The following IGSF9B variants were observed in gnomAD, a reference collection of about 807,000 sequenced individuals.
The protein encoded by IGSF9B is immunoglobulin superfamily member 9B, also known as protein turtle homolog B.
A neutral mutation model predicts 143.7 loss-of-function variants in IGSF9B; 48 were observed. That is an observed-to-expected ratio of 0.33 (90% CI 0.26 to 0.42). The LOEUF (loss-of-function observed/expected upper bound fraction) is 0.42, where lower values mean the gene tolerates loss of function less well. IGSF9B is among the 20% of genes least tolerant of loss of function. The probability of loss-of-function intolerance (pLI) is 1.00; values close to 1 mark genes in which losing one functional copy is unlikely to be tolerated. For synonymous variants in IGSF9B, 903 were observed against 833.1 expected (o/e 1.08, Z -1.44); for missense variants, 1,706 against 1,980.0 (o/e 0.86, Z 2.63).
intron 13 of IGSF9B, among the ~76,000 whole-genome samples, chr11:133,926,298 G>A (rs971509607): frequency 6.6e-6 from 1 of 152,216 alleles, no homozygotes; most frequent in Non-Finnish European, 1.5e-5. Flanking sequence ...GGGGTTTGGG[G>A]GTCAACACAA....
intron 3 of IGSF9B, among the ~76,000 whole-genome samples, chr11:133,940,530 AACAC>A (rs1278817480): frequency 3.8e-5 from 5 of 132,328 alleles, no homozygotes; most frequent in Non-Finnish European, 3.1e-5. Context: ...CACATGCAAA[AACAC>A]ACACCTCGCA....
chr11:133,920,053 A>C lies in IGSF9B; in HGVS notation c.3672T>G (p.Pro1224=). 1 of 1,554,788 alleles carries C rather than the reference A, an allele frequency of 6.4e-7. No homozygotes were observed. The highest frequency in any genetic ancestry group is 8.7e-7 in the Non-Finnish European group (1 of 1,152,476). ...GSPELAARAR[P]RPGLLQQAEM... is the part of the protein sequence containing the mutation. ...CTGCCTGCTGCAGGAGGCCCGGGCG[A>C]GGCCGGGCACGGGCGGCGAGCTCAG... Residue 1224 remains proline (P), a synonymous_variant, in exon 18 of 20, where the codon CCT becomes CCG. Transcript: ENST00000533871.
chr11:133,908,828 G>C lies in IGSF9B; in HGVS notation c.*241C>G. 1 of 501,358 alleles carries C rather than the reference G, an allele frequency of 2.0e-6. No homozygotes were observed. The highest frequency in any genetic ancestry group is 3.6e-6 in the Non-Finnish European group (1 of 280,912). 31.1% of individuals were successfully genotyped at this position (501,358 alleles called of 1,614,324 possible). A position where few individuals can be genotyped will look rare whatever the true frequency, so the allele number is the denominator to read the frequency against. On this transcript the variant is annotated 3_prime_UTR_variant, in exon 20 of 20. Transcript: ENST00000533871. Reference sequence around the variant, plus strand: ...AGGGGGCGGAGGGGAGGAGACAGGTGTTGCCCAGTCTCCAATCCACTTCCT... The same window carrying C: ...AGGGGGCGGAGGGGAGGAGACAGGTCTTGCCCAGTCTCCAATCCACTTCCT...
intron 19 of IGSF9B, among the ~76,000 whole-genome samples, chr11:133,910,772 T>C (rs1033853788): frequency 2.8e-4 from 42 of 152,292 alleles, no homozygotes; most frequent in African/African-American, 9.9e-4. Context: ...ACAATGCAGG[T>C]CTCTGATGTG....
Position 133,918,961 on chromosome 11 carries a change from G to A in IGSF9B, c.3983+781C>T, listed in dbSNP as rs566347098. The A allele has an allele frequency of 1.2e-3, 584 of 468,672 alleles. 9 individuals carry two copies. Among genetic ancestry groups the A allele is most frequent in the South Asian group, 8.8e-3 (570 of 64,618 alleles). 29.0% of individuals were successfully genotyped at this position (468,672 alleles called of 1,614,324 possible). A position where few individuals can be genotyped will look rare whatever the true frequency, so the allele number is the denominator to read the frequency against. On this transcript the variant is annotated intron_variant, in intron 18 of 19. Transcript: ENST00000533871. ...AAGGAGGGGCAGGGGGAGGAGGAGC[G>A]GGGACGGCAGGGAAGAAGGATGAGA...
rs368850055 is a variant in IGSF9B, at chr11:133,931,870, G to A, written c.1111-75C>T. 6.3e-7 allele frequency: 1 copy of A among 1,577,294 alleles called. No homozygotes were observed. Among genetic ancestry groups the A allele is most frequent in the Non-Finnish European group, 8.6e-7 (1 of 1,164,668 alleles). Reference sequence around the variant, plus strand: ...CTCCATCCCAGGCTGGGTCCCAGCTGGGCCAGGCAGCACGCAGGATAGTAC... The same window carrying A: ...CTCCATCCCAGGCTGGGTCCCAGCTAGGCCAGGCAGCACGCAGGATAGTAC... On this transcript the variant is annotated intron_variant, in intron 8 of 19. Coordinates refer to ENST00000533871, the MANE Select transcript of IGSF9B (RefSeq NM_001277285.4). This position sits in a 1 kb window ranked among gnomAD's most constrained non-coding sequence, Gnocchi z 7.7.
In IGSF9B at chr11:133,953,627, C is replaced by A. The variant is rs1041555439; in HGVS notation, c.64+3064G>T. Among the ~76,000 whole-genome samples, 1 of 152,222 alleles carries A rather than the reference C, an allele frequency of 6.6e-6. No individual in the cohort carries two copies. The highest frequency in any genetic ancestry group is 1.5e-5 in the Non-Finnish European group (1 of 68,038). ...CAGCAGGATCTGAGTCAGAACCTCACTGTATTTGGGGACACTGTAGTCAGG... is the reference window on the plus strand; with the variant it reads ...CAGCAGGATCTGAGTCAGAACCTCAATGTATTTGGGGACACTGTAGTCAGG... On this transcript the variant is annotated intron_variant, in intron 1 of 19. Transcript: ENST00000533871. The surrounding 1 kb of genome is among the most constrained non-coding windows in gnomAD (Gnocchi z 4.2).
At chr11:133,935,986 G>A (rs1591719844) in intron 6 of IGSF9B, 67 bp downstream of exon 6, 1 of 1,571,508 alleles carries the variant, frequency 6.4e-7, no homozygotes, top group Non-Finnish European at 8.7e-7. Flanking sequence ...TGCAATTTCT[G>A]CTCAGGGGCC....
chr11:133,956,706 C>G lies in IGSF9B; in HGVS notation c.49G>C (p.Gly17Arg). 6.5e-7 allele frequency: 1 copy of G among 1,546,950 alleles called. No homozygotes were observed. Among genetic ancestry groups the G allele is most frequent in the Non-Finnish European group, 8.7e-7 (1 of 1,148,306 alleles). ...TTCAACTCACCTTCAGCCGCAAGCC[C>G]TCGGGTGCCGATCACACTTGCTATG... Reference protein sequence around the residue: ...TFIASVIGTRGLAAEGAHGLR... With the variant: ...TFIASVIGTRRLAAEGAHGLR... Residue 17 changes from glycine to arginine, a missense_variant, in exon 1 of 20, where the codon GGG (glycine) becomes CGG (arginine). Gly to Arg is a moderately radical substitution (Grantham distance 125). Around this residue, in one of 7 missense-constraint regions of IGSF9B, gnomAD observed 171 missense variants for 213.9 expected, o/e 0.80. Coordinates refer to ENST00000533871, the MANE Select transcript of IGSF9B (RefSeq NM_001277285.4).
At chr11:133,924,253 T>C (rs937174410) in intron 15 of IGSF9B, among the ~76,000 whole-genome samples, 2 of 152,146 alleles carry the variant, frequency 1.3e-5, no homozygotes, top group Admixed American at 6.5e-5. Context: ...TCAGGAACTA[T>C]AGCTGGAGAG....
In IGSF9B at chr11:133,905,468, C is replaced by T. The variant is rs1040587450; in HGVS notation, c.*3601G>A. On this transcript the variant is annotated 3_prime_UTR_variant, in exon 20 of 20. Transcript: ENST00000533871. This position sits in a 1 kb window ranked among gnomAD's most constrained non-coding sequence, Gnocchi z 4.0. ...GAACCTTACCCCAGTTTCCTCAGCA[C>T]AAAAAGGGCAGAGGAATAAATTAAA... is the stretch of plus-strand genomic sequence containing the variant. 6.6e-6 allele frequency among the ~76,000 whole-genome samples: 1 copy of T among 152,032 alleles called. No individual in the cohort carries two copies. The highest frequency in any genetic ancestry group is 1.5e-5 in the Non-Finnish European group (1 of 68,004).
chr11:133,955,139 GGGA>G, intron 1 of IGSF9B, among the ~76,000 whole-genome samples: 1 of 152,244 alleles, frequency 6.6e-6, no homozygotes, highest in Non-Finnish European at 1.5e-5. Flanking sequence ...AAAACGGGAG[GGGA>G]GGAGGATGCG....
At position 133,948,900 on chromosome 11, in the gene IGSF9B, C is replaced by T. The variant is rs539322690; in HGVS notation, c.65-2642G>A. ...CCAGGTGGAGGGCTCTAGCGGGCAACGCCAGGAGGTGGGTTGGCTTTGACG... is the reference window on the plus strand; with the variant it reads ...CCAGGTGGAGGGCTCTAGCGGGCAATGCCAGGAGGTGGGTTGGCTTTGACG... On this transcript the variant is annotated intron_variant, in intron 1 of 19. Coordinates refer to ENST00000533871, the MANE Select transcript of IGSF9B (RefSeq NM_001277285.4). The surrounding 1 kb of genome is among the most constrained non-coding windows in gnomAD (Gnocchi z 4.7). 7.6e-4 allele frequency among the ~76,000 whole-genome samples: 115 copies of T among 152,240 alleles called. No individual in the cohort carries two copies. Among genetic ancestry groups the T allele is most frequent in the African/African-American group, 2.6e-3 (109 of 41,542 alleles).
intron 7 of IGSF9B, among the ~76,000 whole-genome samples, chr11:133,934,873 C>G (rs1358411771): frequency 6.6e-6 from 1 of 152,260 alleles, no homozygotes; most frequent in African/African-American, 2.4e-5. Flanking sequence ...AGTCTGTTAT[C>G]TACAGCAACA....
Position 133,920,313 on chromosome 11 carries a change from T to G in IGSF9B, c.3412A>C (p.Thr1138Pro). 6.4e-7 allele frequency: 1 copy of G among 1,573,674 alleles called. No individual in the cohort carries two copies. Among genetic ancestry groups the G allele is most frequent in the Non-Finnish European group, 8.6e-7 (1 of 1,160,030 alleles). The change falls in exon 18 of 20, where the codon ACA becomes CCA. Residue 1138 changes from threonine to proline, a missense_variant. This residue lies in a region of IGSF9B where 880 missense variants were observed against 762.9 expected (regional missense o/e 1.15). Coordinates refer to ENST00000533871, the MANE Select transcript of IGSF9B (RefSeq NM_001277285.4). ...ACAGGTATGCCCATGCCTTGGCTTG[T>G]ATGTCGCAGCTGCCCTTGGCTTACC... The part of the protein sequence containing the change: ...PLVSQGQLRH[T>P]SQGMGIPVLP...
intron 1 of IGSF9B, among the ~76,000 whole-genome samples, chr11:133,955,886 C>G (rs898731862): frequency 3.9e-5 from 6 of 152,110 alleles, no homozygotes; most frequent in East Asian, 1.9e-4. Context: ...GGGGACCCCC[C>G]CTTCCCCGCC....
chr11:133,930,837 TG>T, intron 11 of IGSF9B, 146 bp downstream of exon 11: 1 of 784,986 alleles, frequency 1.3e-6, no homozygotes, highest in Non-Finnish European at 1.9e-6. Context: ...CTGCCGGTGC[TG>T]GACGCGGAGT....
At chr11:133,947,209 G>A (rs1277068434) in intron 1 of IGSF9B, among the ~76,000 whole-genome samples, 1 of 152,110 alleles carries the variant, frequency 6.6e-6, no homozygotes, top group Non-Finnish European at 1.5e-5. Flanking sequence ...CCCAAGCGCC[G>A]CAGCACCACT....
rs1379841779 is a variant in IGSF9B at position 133,909,057 on chromosome 11, A to T, written c.*12T>A. 1 of 1,533,346 alleles carries T rather than the reference A, an allele frequency of 6.5e-7. No homozygotes were observed. The highest frequency in any genetic ancestry group is 1.4e-5 in the African/African-American group (1 of 72,980). The allele number at this position is 1,533,346 out of a possible 1,614,324, so 95.0% of individuals were successfully genotyped here. ...GCAACCTCGCCCCGGGGACACCTAG[A>T]GTGGGGTGGAGTCACAGCAAAGTGG... On this transcript the variant is annotated 3_prime_UTR_variant, in exon 20 of 20. Coordinates refer to ENST00000533871, the MANE Select transcript of IGSF9B (RefSeq NM_001277285.4). The surrounding 1 kb of genome is among the most constrained non-coding windows in gnomAD (Gnocchi z 4.2).
Sources: gnomAD v4.1 joint callset for allele counts (sites outside exome capture counted in the v4.1 genomes callset) on GRCh38, gnomAD v4.1.1 for gene constraint, gnomAD v4.1.1 regional missense constraint, Gnocchi (gnomAD v3.1) non-coding constraint, MANE v1.5 for transcripts, NCBI Gene and HGNC (gene_info 2026-07-23, HGNC 2026-07-21) for gene names.